FRAS1: variants seen among roughly 807,000 people sequenced by gnomAD.
FRAS1 encodes the protein Fraser extracellular matrix complex subunit 1.
FRAS1 carries 290 observed loss-of-function variants against 435.2 expected under a neutral mutation model. The ratio of observed to expected loss-of-function variants is 0.67; its 90% CI spans 0.61 to 0.73. The LOEUF is 0.73. FRAS1 is among the 30% of genes least tolerant of loss of function. FRAS1 has a pLI of 0.00. For synonymous variants in FRAS1, 1,800 were observed against 1,851.0 expected, an observed-to-expected ratio of 0.97 and a Z score of 0.71; for missense variants, 4,860 against 5,001.5, an observed-to-expected ratio of 0.97 and a Z score of 0.85.
At chr4:78,177,238 A>AG (rs1039457002) in intron 2 of FRAS1, among the ~76,000 whole-genome samples, 2 of 152,142 alleles carry the variant, frequency 1.3e-5, no homozygotes, top group Non-Finnish European at 2.9e-5. Flanking sequence ...TCACCAGAAG[A>AG]GGGGGACATG....
chr4:78,115,148 T>C (rs1743056684), intron 2 of FRAS1, among the ~76,000 whole-genome samples: 1 of 151,448 alleles, frequency 6.6e-6, no homozygotes, highest in Admixed American at 6.6e-5. Flanking sequence ...TTTTTGTATG[T>C]TGAACCAGCC....
At chr4:78,245,895 G>A (rs567996519) in intron 4 of FRAS1, among the ~76,000 whole-genome samples, 1 of 152,188 alleles carries the variant, frequency 6.6e-6, no homozygotes, top group East Asian at 1.9e-4. Context: ...CTGCATCCCT[G>A]GTCTTTTCCC....
At chr4:78,406,903 C>T (rs771322466) in intron 30 of FRAS1, among the ~76,000 whole-genome samples, 2 of 152,158 alleles carry the variant, frequency 1.3e-5, no homozygotes, top group Non-Finnish European at 2.9e-5. Flanking sequence ...AAATCCATAA[C>T]GTTGAAAGCA....
intron 29 of FRAS1, among the ~76,000 whole-genome samples, chr4:78,396,987 C>T (rs1394733786): frequency 1.3e-5 from 2 of 152,182 alleles, no homozygotes; most frequent in Admixed American, 6.5e-5. Context: ...GTCCACGGTG[C>T]TTCTTTAAGA....
At chr4:78,529,703 C>T (rs1721653920) in intron 70 of FRAS1, among the ~76,000 whole-genome samples, 1 of 152,168 alleles carries the variant, frequency 6.6e-6, no homozygotes, top group Non-Finnish European at 1.5e-5. Flanking sequence ...AATCTGCCAA[C>T]CAAGACAGCT....
At chr4:78,383,195 G>A (rs1435508607) in intron 27 of FRAS1, among the ~76,000 whole-genome samples, 1 of 152,144 alleles carries the variant, frequency 6.6e-6, no homozygotes, top group Non-Finnish European at 1.5e-5. Context: ...CTTTTTGGTT[G>A]CAAGTAATGG....
intron 53 of FRAS1, among the ~76,000 whole-genome samples, chr4:78,474,850 A>G (rs1403403599): frequency 6.6e-6 from 1 of 152,204 alleles, no homozygotes; most frequent in Non-Finnish European, 1.5e-5. Context: ...TTGGCCTTCT[A>G]CTTTACAAAT....
chr4:78,267,538 A>G, intron 9 of FRAS1, 106 bp downstream of exon 9: 1 of 1,019,540 alleles, frequency 9.8e-7, no homozygotes. Context: ...GGATGTCCAC[A>G]TTGACTTCTC....
At chr4:78,428,297 T>C (rs1239524057) in intron 35 of FRAS1, among the ~76,000 whole-genome samples, 1 of 151,766 alleles carries the variant, frequency 6.6e-6, no homozygotes, top group Non-Finnish European at 1.5e-5. Flanking sequence ...GAGACATTGG[T>C]ATGGGTATTG....
intron 21 of FRAS1, 80 bp downstream of exon 21, chr4:78,363,745 C>G: frequency 3.4e-6 from 5 of 1,485,714 alleles, no homozygotes; most frequent in Non-Finnish European, 4.6e-6. Flanking sequence ...ATCAACCTTT[C>G]CTAAGAGAGA....
chr4:78,394,269 A>G (rs1256713781), intron 29 of FRAS1, among the ~76,000 whole-genome samples: 1 of 151,922 alleles, frequency 6.6e-6, no homozygotes, highest in African/African-American at 2.4e-5. Context: ...TCAATGCCAT[A>G]TCCAAAAAAT....
chr4:78,235,564 G>A (rs769766533), intron 2 of FRAS1, among the ~76,000 whole-genome samples: 29 of 152,262 alleles, frequency 1.9e-4, no homozygotes, highest in South Asian at 6.2e-4. Context: ...GCTTCCTAAG[G>A]ATCTATAGTG....
In FRAS1 at chr4:78,437,275, T is replaced by C. The variant is rs554620663; in HGVS notation, c.5218-1295T>C. On this transcript the variant is annotated intron_variant, in intron 38 of 73. Transcript: ENST00000512123. ...GGAGCCAGGAGCTCTGTCCTTATAG[T>C]TTATCAGCAATTCAGAAGACAACAC... Among the ~76,000 whole-genome samples the C allele has an allele frequency of 9.8e-5, 15 of 152,334 alleles. 1 individual carries two copies. In the South Asian group the frequency reaches 2.1e-3, roughly 21 times the overall value.
intron 2 of FRAS1, among the ~76,000 whole-genome samples, chr4:78,085,547 C>T (rs968649250): frequency 6.6e-6 from 1 of 152,030 alleles, no homozygotes; most frequent in Admixed American, 6.6e-5. Context: ...AGATCTTTTC[C>T]CTGTGTCCTC....
In FRAS1 at chr4:78,366,178, A is replaced by G. The variant is rs1451595690; in HGVS notation, c.2722+2124A>G. Among the ~76,000 whole-genome samples, 4 of 152,184 alleles carry G rather than the reference A, an allele frequency of 2.6e-5. No individual in the cohort carries two copies. The South Asian group carries it at 6.2e-4, about 24-fold the overall frequency. On this transcript the variant is annotated intron_variant, in intron 22 of 73. Transcript: ENST00000512123. ...TAGGAATCTTTCGAGAGGATGTACTATTAACTGAATTAAAAAATCTAAGGG... is the reference window on the plus strand; with the variant it reads ...TAGGAATCTTTCGAGAGGATGTACTGTTAACTGAATTAAAAAATCTAAGGG...
intron 49 of FRAS1, 140 bp downstream of exon 49, chr4:78,464,723 GA>G: frequency 4.6e-6 from 4 of 873,516 alleles, no homozygotes; most frequent in Non-Finnish European, 6.8e-6. Context: ...TTAAAATACA[GA>G]AGATACCAGG....
intron 2 of FRAS1, among the ~76,000 whole-genome samples, chr4:78,183,838 T>C (rs570886104): frequency 1.3e-5 from 1 of 79,574 alleles, no homozygotes; most frequent in South Asian, 5.9e-4. Context: ...ATTTAATTAA[T>C]TAATTGAAAA....
At chr4:78,463,930 T>C (rs1291249353) in intron 47 of FRAS1, 91 bp from the exon 48 acceptor site, 9 of 1,368,660 alleles carry the variant, frequency 6.6e-6, no homozygotes, top group Non-Finnish European at 6.2e-6. Flanking sequence ...AAGGACTCTC[T>C]ATCTGGTGAG....
chr4:78,390,081 A>C (rs547032513), intron 29 of FRAS1, among the ~76,000 whole-genome samples: 1 of 152,284 alleles, frequency 6.6e-6, no homozygotes, highest in African/African-American at 2.4e-5. Context: ...TGTACTAATA[A>C]TACATCTGAC....
Sources: allele counts gnomAD v4.1 joint callset (sites outside exome capture counted in the v4.1 genomes callset), GRCh38; gene constraint gnomAD v4.1.1; transcripts MANE v1.5; gene names NCBI Gene and HGNC (gene_info 2026-07-23, HGNC 2026-07-21).